SLC8A1: variants seen among roughly 807,000 people sequenced by gnomAD.
The protein encoded by SLC8A1 is solute carrier family 8 member A1, also known as sodium/calcium exchanger 1.
Under a neutral mutation model 68.3 loss-of-function variants are expected in SLC8A1, and 18 were observed. The ratio of observed to expected loss-of-function variants is 0.26; its 90% CI spans 0.18 to 0.39. The LOEUF (loss-of-function observed/expected upper bound fraction) is 0.39. Among genes scored for constraint, SLC8A1 ranks in the 10% least tolerant of loss-of-function variants. The pLI is 1.00. For synonymous variants in SLC8A1, 475 were observed against 415.5 expected (o/e 1.14, Z -1.74); for missense variants, 985 against 1,156.7 (o/e 0.85, Z 2.15).
At chr2:40,234,666 C>T (rs1221511046) in intron 2 of SLC8A1, among the ~76,000 whole-genome samples, 1 of 152,154 alleles carries the variant, frequency 6.6e-6, no homozygotes, top group East Asian at 1.9e-4. Context: ...GAGGGCATCC[C>T]TGTCTTGTGC....
At chr2:40,379,021 G>C (rs1680854393) in intron 2 of SLC8A1, among the ~76,000 whole-genome samples, 1 of 152,044 alleles carries the variant, frequency 6.6e-6, no homozygotes, top group Non-Finnish European at 1.5e-5. Context: ...CCCCATGAGG[G>C]CAGGCTCTTT....
At chr2:40,186,511 G>T (rs191906676) in intron 2 of SLC8A1, among the ~76,000 whole-genome samples, 42 of 152,064 alleles carry the variant, frequency 2.8e-4, no homozygotes, top group African/African-American at 9.6e-4. Flanking sequence ...CATTTCAAGT[G>T]GAATAAGGAC....
intron 1 of SLC8A1, among the ~76,000 whole-genome samples, chr2:40,481,233 T>A (rs1053072859): frequency 2.0e-5 from 3 of 152,182 alleles, no homozygotes; most frequent in African/African-American, 7.2e-5. Context: ...AAAAGGTGAT[T>A]AATTAGTTCT....
chr2:40,400,226 G>T (rs1173486296), intron 2 of SLC8A1, among the ~76,000 whole-genome samples: 4 of 152,062 alleles, frequency 2.6e-5, no homozygotes, highest in South Asian at 2.1e-4. Context: ...TCTTTAACTT[G>T]GTGTCTGAGG....
At chr2:40,382,160 A>G (rs886279988) in intron 2 of SLC8A1, among the ~76,000 whole-genome samples, 4 of 152,098 alleles carry the variant, frequency 2.6e-5, no homozygotes, top group Admixed American at 6.6e-5. Context: ...TACTTTACAT[A>G]TCTTCTTCAC....
intron 6 of SLC8A1, among the ~76,000 whole-genome samples, chr2:40,148,602 G>T (rs557029129): frequency 1.3e-5 from 2 of 152,032 alleles, no homozygotes; most frequent in African/African-American, 4.8e-5. Context: ...ATTTTTTAAC[G>T]AGATCTCAGT....
intron 2 of SLC8A1, among the ~76,000 whole-genome samples, chr2:40,200,006 T>C (rs1458196581): frequency 2.0e-5 from 3 of 148,048 alleles, no homozygotes; most frequent in African/African-American, 7.5e-5. Context: ...GAGATCACAC[T>C]AATGCTCCTT....
intron 2 of SLC8A1, among the ~76,000 whole-genome samples, chr2:40,188,368 C>T (rs1490267791): frequency 6.6e-6 from 1 of 152,180 alleles, no homozygotes; most frequent in Non-Finnish European, 1.5e-5. Context: ...TGAAACACAT[C>T]AACATCTTTG....
chr2:40,108,261 C>G (rs2034336331), exon 8 of SLC8A1: 1 of 150,838 alleles, frequency 6.6e-6, no homozygotes, highest in Non-Finnish European at 1.5e-5. Context: ...ACAAATAACT[C>G]AATAATTTGG....
chr2:40,327,537 A>G (rs2149361106), intron 2 of SLC8A1, among the ~76,000 whole-genome samples: 1 of 152,270 alleles, frequency 6.6e-6, no homozygotes, highest in Non-Finnish European at 1.5e-5. Flanking sequence ...GCACAAATGA[A>G]TGAGTTTAAA....
chr2:40,265,513 C>A (rs1436594742), intron 2 of SLC8A1, among the ~76,000 whole-genome samples: 1 of 152,064 alleles, frequency 6.6e-6, no homozygotes, highest in African/African-American at 2.4e-5. Flanking sequence ...TAGAGGTGGG[C>A]AGATAATAAA....
intron 7 of SLC8A1, 42 bp from the exon 11 acceptor site, chr2:40,115,671 A>C (rs752463757): frequency 6.4e-7 from 1 of 1,573,126 alleles, no homozygotes; most frequent in Admixed American, 1.7e-5. Context: ...TCAATCTTTT[A>C]GAGATGTCTT....
chr2:40,252,691 T>C (rs2062961413), intron 2 of SLC8A1, among the ~76,000 whole-genome samples: 1 of 151,986 alleles, frequency 6.6e-6, no homozygotes, highest in Non-Finnish European at 1.5e-5. Context: ...ATCATAAAAG[T>C]TGCTTGCTTA....
At chr2:40,445,219 T>A (rs1315432918) in intron 1 of SLC8A1, among the ~76,000 whole-genome samples, 1 of 152,228 alleles carries the variant, frequency 6.6e-6, no homozygotes, top group Non-Finnish European at 1.5e-5. Context: ...ATGTCAAATA[T>A]GCCATCTTTT....
At chr2:40,498,544 G>A (rs1256525757) in intron 1 of SLC8A1, among the ~76,000 whole-genome samples, 1 of 151,990 alleles carries the variant, frequency 6.6e-6, no homozygotes, top group African/African-American at 2.4e-5. Context: ...GACCTTCACT[G>A]GGATTTTTAA....
chr2:40,191,858 C>A (rs551458198), intron 2 of SLC8A1, among the ~76,000 whole-genome samples: 2 of 152,224 alleles, frequency 1.3e-5, no homozygotes, highest in African/African-American at 4.8e-5. Context: ...CAGACATAAT[C>A]TTATAGGGAA....
At chr2:40,316,675 G>A (rs1313221123) in intron 2 of SLC8A1, among the ~76,000 whole-genome samples, 3 of 151,880 alleles carry the variant, frequency 2.0e-5, no homozygotes, top group African/African-American at 7.3e-5. Context: ...CATCACTCCT[G>A]CTTTTTCTCA....
intron 1 of SLC8A1, among the ~76,000 whole-genome samples, chr2:40,487,191 T>G (rs1705024317): frequency 6.6e-6 from 1 of 152,120 alleles, no homozygotes; most frequent in South Asian, 2.1e-4. Context: ...TCAGCAGTGG[T>G]GAAAATCATA....
intron 2 of SLC8A1, among the ~76,000 whole-genome samples, chr2:40,352,110 A>C (rs1035390107): frequency 6.6e-6 from 1 of 152,222 alleles, no homozygotes; most frequent in Non-Finnish European, 1.5e-5. Flanking sequence ...GGAAATAAAT[A>C]GATTAATGCT....
Sources: gnomAD v4.1 joint callset for allele counts (sites outside exome capture counted in the v4.1 genomes callset) on GRCh38, gnomAD v4.1.1 for gene constraint, MANE v1.5 for transcripts, NCBI Gene and HGNC (gene_info 2026-07-23, HGNC 2026-07-21) for gene names.